The following ZNF44 variants were observed in gnomAD, a reference collection of about 807,000 sequenced individuals.
The protein encoded by ZNF44 is gonadotropin inducible transcription repressor-2.
In ZNF44, 9 loss-of-function variants were observed where a neutral mutation model predicts 11.7. That is an observed-to-expected ratio of 0.77 (90% CI 0.46 to 1.35). The LOEUF (loss-of-function observed/expected upper bound fraction) is 1.35. Ranked by LOEUF, ZNF44 falls within the 40% of genes most tolerant of loss-of-function variation. The pLI, the probability that ZNF44 is intolerant of heterozygous loss-of-function variation, is 0.00. For synonymous variants in ZNF44, 224 were observed against 242.7 expected, an observed-to-expected ratio of 0.92 and a Z score of 0.72; for missense variants, 696 against 743.1, an observed-to-expected ratio of 0.94 and a Z score of 0.74.
At chr19:12,241,709 G>C (rs1162678097), upstream of ZNF44, among the ~76,000 whole-genome samples, 1 of 152,002 alleles carries the variant, frequency 6.6e-6, no homozygotes, top group Non-Finnish European at 1.5e-5. Flanking sequence ...AATCAACCAT[G>C]GAAAGCAGGG....
Position 12,273,430 on chromosome 19 carries a change from G to T in ZNF44, c.825C>A (p.His275Gln), listed in dbSNP as rs1418445825. 3 of 1,614,152 alleles carry T rather than the reference G, an allele frequency of 1.9e-6. No individual in the cohort carries two copies. The South Asian group carries it at 3.3e-5, about 18-fold the overall frequency. ...TACATTTGTAGGGTTTCTCTCCAGTGTGAGTTCTTTCATGTCTTAGATATG... is the reference window on the plus strand; with the variant it reads ...TACATTTGTAGGGTTTCTCTCCAGTTTGAGTTCTTTCATGTCTTAGATATG... ...YSSYLRHERT[H>Q]TGEKPYKCKQ... Residue 275 changes from histidine to glutamine, a missense_variant, in exon 4 of 4, where the codon CAC becomes CAA. His to Gln is a conservative substitution (Grantham distance 24). Coordinates refer to ENST00000355684, the MANE Select transcript of ZNF44 (RefSeq NM_016264.4).
chr19:12,294,537 C>A lies in ZNF44; in HGVS notation c.3+155G>T, dbSNP rs758763539. Among the ~76,000 whole-genome samples, 194 of 152,314 alleles carry A rather than the reference C, an allele frequency of 1.3e-3. 1 individual carries two copies. In the Middle Eastern group the frequency reaches 0.024, roughly 19 times the overall value. On this transcript the variant is annotated intron_variant, in intron 1 of 3. Transcript: ENST00000355684. ...CGGCTGCCGGCCCAGCCCCACCCTG[C>A]GGCCAAACGGACCGAGGACCGAGGT...
At chr19:12,291,290 A>G in intron 1 of ZNF44, 1 of 446,004 alleles carries the variant, frequency 2.2e-6, no homozygotes, top group Non-Finnish European at 4.5e-6. Context: ...AAAGCTTTAT[A>G]ATTCAACCAA....
chr19:12,226,722 A>T (rs959941500), intron 3 of ZNF44, among the ~76,000 whole-genome samples: 1 of 152,260 alleles, frequency 6.6e-6, no homozygotes, highest in Admixed American at 6.5e-5. Context: ...AGATTCTTGG[A>T]CTTTGAAAAG....
chr19:12,247,228 T>C, downstream of ZNF44: 1 of 1,120,480 alleles, frequency 8.9e-7, no homozygotes, highest in African/African-American at 1.6e-5. Flanking sequence ...CATATCAACT[T>C]TGAAAATCGT....
intron 1 of ZNF44, among the ~76,000 whole-genome samples, chr19:12,286,079 G>A (rs927885544): frequency 6.6e-6 from 1 of 152,052 alleles, no homozygotes; most frequent in Non-Finnish European, 1.5e-5. Context: ...TAAACTGCAT[G>A]ACCCATAGCC....
At chr19:12,253,893 C>T (rs574336676) in intron 5 of ZNF44, among the ~76,000 whole-genome samples, 4 of 152,172 alleles carry the variant, frequency 2.6e-5, no homozygotes, top group Admixed American at 6.5e-5. Context: ...GCAGGAGAAT[C>T]GCTTGAACCC....
At chr19:12,281,932 G>A (rs772874859) in intron 1 of ZNF44, among the ~76,000 whole-genome samples, 68 of 152,168 alleles carry the variant, frequency 4.5e-4, no homozygotes, top group Non-Finnish European at 2.5e-4. Flanking sequence ...CGATTTCACT[G>A]CTGAATTCTG....
intron 3 of ZNF44, 130 bp downstream of exon 3, chr19:12,274,843 T>A: frequency 1.7e-6 from 1 of 586,598 alleles, no homozygotes; most frequent in Non-Finnish European, 2.9e-6. Context: ...TATATTTTTA[T>A]AGAGAAATTT....
chr19:12,288,771 A>AAGTATATATATAT (rs1555744570), intron 1 of ZNF44, among the ~76,000 whole-genome samples: 1 of 38,368 alleles, frequency 2.6e-5, no homozygotes, highest in African/African-American at 1.7e-4. Context: ...AAAAAAAAAA[A>AAGTATATATATAT]ATGTATATAT....
upstream of ZNF44, among the ~76,000 whole-genome samples, chr19:12,241,143 G>A (rs1916602579): frequency 1.3e-5 from 2 of 152,142 alleles, no homozygotes; most frequent in African/African-American, 4.8e-5. Flanking sequence ...ACAACCACAT[G>A]GAATAATGCT....
At chr19:12,234,290 A>C (rs1293010807) in intron 2 of ZNF44, among the ~76,000 whole-genome samples, 2 of 152,326 alleles carry the variant, frequency 1.3e-5, no homozygotes, top group East Asian at 3.9e-4. Context: ...TATGTTATAA[A>C]TACTTCAACA....
At chr19:12,281,538 T>C (rs1967475921) in intron 1 of ZNF44, among the ~76,000 whole-genome samples, 1 of 152,084 alleles carries the variant, frequency 6.6e-6, no homozygotes, top group African/African-American at 2.4e-5. Flanking sequence ...ATGACAAGAT[T>C]AATGTAAATC....
downstream of ZNF44, among the ~76,000 whole-genome samples, chr19:12,269,448 G>A (rs1198826522): frequency 1.3e-5 from 2 of 152,252 alleles, no homozygotes; most frequent in East Asian, 3.9e-4. Context: ...CTTGAACCCA[G>A]GAGGCAGAGG....
intron 2 of ZNF44, among the ~76,000 whole-genome samples, chr19:12,232,123 G>A (rs1243316057): frequency 6.6e-6 from 1 of 152,240 alleles, no homozygotes; most frequent in Non-Finnish European, 1.5e-5. Flanking sequence ...AAAGAATCAA[G>A]TGCTGTGCTT....
chr19:12,290,517 T>C (rs1211967275), intron 1 of ZNF44, among the ~76,000 whole-genome samples: 2 of 149,092 alleles, frequency 1.3e-5, no homozygotes, highest in Non-Finnish European at 1.5e-5. Flanking sequence ...CTGACCAACA[T>C]GGTGAAACCC....
downstream of ZNF44, among the ~76,000 whole-genome samples, chr19:12,244,031 A>G (rs1916700514): frequency 6.6e-6 from 1 of 151,668 alleles, no homozygotes; most frequent in Non-Finnish European, 1.5e-5. Flanking sequence ...AAACCAGTCT[A>G]TTTTTCTTAA....
intron 1 of ZNF44, among the ~76,000 whole-genome samples, chr19:12,276,691 T>C (rs568942877): frequency 6.6e-6 from 1 of 152,300 alleles, no homozygotes; most frequent in Admixed American, 6.5e-5. Context: ...CCCTCCAAAA[T>C]GCAGGCTGAA....
At chr19:12,276,287 A>C in intron 1 of ZNF44, 2 of 685,388 alleles carry the variant, frequency 2.9e-6, no homozygotes, top group Admixed American at 4.4e-5. Context: ...ATAACAGTTG[A>C]GTAGGAACAT....
Sources: allele counts gnomAD v4.1 joint callset (sites outside exome capture counted in the v4.1 genomes callset), GRCh38; gene constraint gnomAD v4.1.1; transcripts MANE v1.5; gene names NCBI Gene and HGNC (gene_info 2026-07-23, HGNC 2026-07-21).